The following C5orf22 variants were observed in gnomAD, a reference collection of about 807,000 sequenced individuals.
The protein encoded by C5orf22 is UPF0489 protein C5orf22.
A neutral mutation model predicts 48.7 loss-of-function variants in C5orf22; 36 were observed. That is an observed-to-expected ratio of 0.74 (90% CI 0.57 to 0.98). The LOEUF is 0.98. Among genes scored for constraint, C5orf22 ranks in the 50% least tolerant of loss-of-function variants. The probability of loss-of-function intolerance (pLI) is 0.00; values close to 1 mark genes in which losing one functional copy is unlikely to be tolerated. For synonymous variants in C5orf22, 141 were observed against 180.8 expected (o/e 0.78, Z 1.76); for missense variants, 486 against 521.9 (o/e 0.93, Z 0.67).
intron 6 of C5orf22, among the ~76,000 whole-genome samples, chr5:31,542,198 C>T (rs1228002862): frequency 6.6e-6 from 1 of 151,968 alleles, no homozygotes; most frequent in African/African-American, 2.4e-5. Context: ...CGCCTGTAAT[C>T]CCAGCACTTT....
intron 2 of C5orf22, 102 bp downstream of exon 2, chr5:31,534,519 G>A (rs572020280): frequency 2.8e-6 from 3 of 1,068,370 alleles, no homozygotes; most frequent in East Asian, 2.5e-5. Context: ...CATGGGTTTG[G>A]GGGTTTTTTG....
At chr5:31,535,397 C>T (rs189880157) in intron 2 of C5orf22, among the ~76,000 whole-genome samples, 74 of 152,232 alleles carry the variant, frequency 4.9e-4, no homozygotes, top group East Asian at 7.7e-4. Context: ...AAGATGTTCT[C>T]GAATGACACT....
At chr5:31,550,020 C>T (rs868008307) in intron 7 of C5orf22, among the ~76,000 whole-genome samples, 1 of 152,054 alleles carries the variant, frequency 6.6e-6, no homozygotes, top group Non-Finnish European at 1.5e-5. Context: ...GGCTAGGGCT[C>T]AGTCACAGAT....
At chr5:31,548,383 A>C (rs1743028252) in intron 7 of C5orf22, 1 of 242,616 alleles carries the variant, frequency 4.1e-6, no homozygotes. Flanking sequence ...CTTCCACCAG[A>C]TATGCTAAAT....
Position 31,550,536 on chromosome 5 carries a change from G to C in C5orf22, c.1060-757G>C, listed in dbSNP as rs896173498. 3.9e-5 allele frequency among the ~76,000 whole-genome samples: 6 copies of C among 152,176 alleles called. No individual in the cohort carries two copies. In the East Asian group the frequency reaches 1.2e-3, roughly 29 times the overall value. ...ATATTTAAAAAGTAAGTAAAATAAT[G>C]TGTTAAAAATGAGATAAGAATATGT... is the stretch of plus-strand genomic sequence containing the variant. On this transcript the variant is annotated intron_variant, in intron 7 of 8. Coordinates refer to ENST00000325366, the MANE Select transcript of C5orf22 (RefSeq NM_018356.3).
At chr5:31,539,425 T>G (rs1742314982) in intron 4 of C5orf22, among the ~76,000 whole-genome samples, 4 of 152,204 alleles carry the variant, frequency 2.6e-5, no homozygotes. Context: ...TGTGATCAGT[T>G]TCTTGTGTAT....
intron 4 of C5orf22, chr5:31,540,742 AAAAC>A: frequency 2.0e-6 from 1 of 501,772 alleles, no homozygotes; most frequent in Non-Finnish European, 3.5e-6. Context: ...TATTTACAAT[AAAAC>A]AAAATTTTAC....
At chr5:31,545,063 A>AT (rs533850892) in intron 6 of C5orf22, among the ~76,000 whole-genome samples, 4,937 of 141,932 alleles carry the variant, frequency 0.035, 285 homozygotes, top group African/African-American at 0.12. Flanking sequence ...AATCAAAATA[A>AT]TTTTTTTTTT....
intron 6 of C5orf22, among the ~76,000 whole-genome samples, chr5:31,544,463 A>G (rs1014223416): frequency 6.6e-6 from 1 of 152,140 alleles, no homozygotes; most frequent in Non-Finnish European, 1.5e-5. Flanking sequence ...GGGCACCTGT[A>G]GTCCCAGCTA....
chr5:31,538,462 A>G lies in C5orf22; in HGVS notation c.580A>G (p.Asn194Asp). 6.2e-7 allele frequency: 1 copy of G among 1,614,228 alleles called. No homozygotes were observed. The highest frequency in any genetic ancestry group is 1.3e-5 in the African/African-American group (1 of 75,062). Residue 194 changes from asparagine to aspartate, a missense_variant, in exon 4 of 9, where the codon AAC (asparagine) becomes GAC (aspartate). Asn to Asp is a conservative substitution (Grantham distance 23, BLOSUM62 1). Transcript: ENST00000325366. ...AGATTCGGAAAACACTGCCTCTACT[A>G]ACTGTGACTCTTCTTCAGAAGGACT... ...LEDSENTAST[N>D]CDSSSEGLEK...
At chr5:31,539,927 CTG>C (rs1226653344) in intron 4 of C5orf22, among the ~76,000 whole-genome samples, 1 of 151,892 alleles carries the variant, frequency 6.6e-6, no homozygotes, top group Non-Finnish European at 1.5e-5. Flanking sequence ...TGGCACGTGC[CTG>C]TGGTCCAGCT....
At chr5:31,548,813 T>G (rs1418122617) in intron 7 of C5orf22, 3 of 271,494 alleles carry the variant, frequency 1.1e-5, no homozygotes, top group African/African-American at 2.3e-5. Flanking sequence ...ATGGACTTAG[T>G]GTTCCACATG....
intron 3 of C5orf22, among the ~76,000 whole-genome samples, chr5:31,537,151 A>G (rs574781602): frequency 3.1e-4 from 47 of 152,350 alleles, no homozygotes; most frequent in African/African-American, 1.0e-3. Context: ...TTCAGTGAGT[A>G]GGCCTGATTT....
At chr5:31,544,394 T>C (rs912282610) in intron 6 of C5orf22, among the ~76,000 whole-genome samples, 6 of 152,054 alleles carry the variant, frequency 3.9e-5, no homozygotes, top group East Asian at 1.9e-4. Flanking sequence ...CCATCCTGGC[T>C]AACACGGTGA....
In C5orf22 at chr5:31,551,319, T is replaced by G; in HGVS notation, c.1086T>G (p.Asp362Glu). ...TTCACCAGGCTGGTTTAACCTGCGA[T>G]TATTCAGAACTTCCTCACCATATCA... ...EMVHQAGLTC[D>E]YSELPHHIST... Residue 362 changes from aspartate to glutamate, a missense_variant, in exon 8 of 9, where the codon GAT becomes GAG. Physicochemically the swap from Asp to Glu is conservative, Grantham distance 45. Around this residue, in one of 3 missense-constraint regions of C5orf22, gnomAD observed 408 missense variants for 444.0 expected, o/e 0.92. Coordinates refer to ENST00000325366, the MANE Select transcript of C5orf22 (RefSeq NM_018356.3). The G allele has an allele frequency of 1.9e-6, 3 of 1,613,676 alleles. No individual in the cohort carries two copies. The highest frequency in any genetic ancestry group is 2.5e-6 in the Non-Finnish European group (3 of 1,179,760).
rs1347527256 is a variant in C5orf22, at chr5:31,550,844, G to A, written c.1060-449G>A. On this transcript the variant is annotated intron_variant, in intron 7 of 8. Transcript: ENST00000325366. ...CCCAAAGTGCTGGGATTACAGGCAT[G>A]AGCTACCACGCCTGGCCTCAACTTT... Among the ~76,000 whole-genome samples the A allele has an allele frequency of 3.9e-5, 6 of 152,218 alleles. No individual in the cohort carries two copies. In the South Asian group the frequency reaches 6.2e-4, roughly 16 times the overall value.
intron 3 of C5orf22, among the ~76,000 whole-genome samples, chr5:31,537,559 C>T (rs902575157): frequency 3.9e-5 from 6 of 152,120 alleles, no homozygotes; most frequent in Non-Finnish European, 8.8e-5. Flanking sequence ...GTGGGTAAGG[C>T]ATGCCTCTAG....
intron 6 of C5orf22, among the ~76,000 whole-genome samples, chr5:31,545,300 C>T (rs1478947687): frequency 2.6e-5 from 4 of 152,156 alleles, no homozygotes; most frequent in South Asian, 2.1e-4. Context: ...TCAAGTGATC[C>T]GCCCGCCTCG....
intron 7 of C5orf22, chr5:31,548,619 C>T (rs1242026685): frequency 8.9e-6 from 4 of 447,146 alleles, no homozygotes; most frequent in African/African-American, 6.0e-5. Context: ...CAACATTTCC[C>T]TGCCTTCTTC....
Sources: allele counts gnomAD v4.1 joint callset (sites outside exome capture counted in the v4.1 genomes callset), GRCh38; gene constraint gnomAD v4.1.1; regional missense constraint gnomAD v4.1.1; transcripts MANE v1.5; gene names NCBI Gene and HGNC (gene_info 2026-07-23, HGNC 2026-07-21).